The following PDE3B variants were observed in gnomAD, a reference collection of about 807,000 sequenced individuals.
The protein encoded by PDE3B is phosphodiesterase 3B, also known as cGMP-inhibited 3',5'-cyclic phosphodiesterase 3B.
In PDE3B, 66 loss-of-function variants were observed where a neutral mutation model predicts 116.8. The ratio of observed to expected loss-of-function variants is 0.56; its 90% confidence interval spans 0.46 to 0.69. The LOEUF is 0.69. PDE3B is among the 30% of genes least tolerant of loss of function. The pLI is 0.00. For synonymous variants in PDE3B, 595 were observed against 533.6 expected (o/e 1.12, Z -1.59); for missense variants, 1,384 against 1,368.1 (o/e 1.01, Z -0.18).
At chr11:14,844,774 A>G (rs1280891698) in intron 12 of PDE3B, among the ~76,000 whole-genome samples, 2 of 152,244 alleles carry the variant, frequency 1.3e-5, no homozygotes, top group Admixed American at 1.3e-4. Flanking sequence ...GGCAGCAGCA[A>G]GGCTGGGGAA....
chr11:14,801,148 C>T (rs1432811578), intron 4 of PDE3B, among the ~76,000 whole-genome samples: 1 of 152,170 alleles, frequency 6.6e-6, no homozygotes, highest in African/African-American at 2.4e-5. Context: ...CTGAAGCCTA[C>T]TTCTGTCAGT....
chr11:14,868,624 A>G (rs1555008492), intron 15 of PDE3B, among the ~76,000 whole-genome samples: 3 of 152,228 alleles, frequency 2.0e-5, no homozygotes, highest in African/African-American at 7.2e-5. Flanking sequence ...TGCTCATTTT[A>G]AAGTAGAATT....
chr11:14,864,660 C>T lies in PDE3B; in HGVS notation c.2887-2846C>T, dbSNP rs540174510. 3.9e-4 allele frequency among the ~76,000 whole-genome samples: 59 copies of T among 152,244 alleles called. 1 individual carries two copies. The East Asian group carries it at 0.01, about 27-fold the overall frequency. ...ATTAGGAAACTCACTCAAAACTGCA[C>T]AATGACATGGAAACTGAACAACTTG... On this transcript the variant is annotated intron_variant, in intron 14 of 15. Transcript: ENST00000282096.
intron 12 of PDE3B, among the ~76,000 whole-genome samples, chr11:14,847,619 G>A (rs1314067851): frequency 1.3e-5 from 2 of 151,862 alleles, no homozygotes; most frequent in Non-Finnish European, 2.9e-5. Context: ...AAAGAGAGAA[G>A]AATCAAATAG....
At chr11:14,897,102 T>G in the PDE3B span, among the ~76,000 whole-genome samples, 1 of 152,246 alleles carries the variant, frequency 6.6e-6, no homozygotes, top group Non-Finnish European at 1.5e-5. Flanking sequence ...CAGAACACAT[T>G]AATTCATGTT....
intron 12 of PDE3B, among the ~76,000 whole-genome samples, chr11:14,850,329 G>T (rs921935161): frequency 2.6e-5 from 4 of 151,962 alleles, no homozygotes; most frequent in Non-Finnish European, 5.9e-5. Context: ...CACACTCTGG[G>T]GACTGTTGTA....
At chr11:14,738,784 T>TA (rs1856672882) in intron 1 of PDE3B, among the ~76,000 whole-genome samples, 1 of 152,204 alleles carries the variant, frequency 6.6e-6, no homozygotes, top group Non-Finnish European at 1.5e-5. Flanking sequence ...TTGTATAAGG[T>TA]GTAAGAAAGG....
chr11:14,881,055 C>T, the PDE3B span, among the ~76,000 whole-genome samples: 3 of 152,044 alleles, frequency 2.0e-5, no homozygotes, highest in Admixed American at 1.3e-4. Flanking sequence ...GCCCAGGTGA[C>T]TATATTATCC....
intron 1 of PDE3B, among the ~76,000 whole-genome samples, chr11:14,735,958 T>TG (rs1554987382): frequency 7.0e-6 from 1 of 142,926 alleles, no homozygotes. Context: ...GAATAATAGG[T>TG]TGTGTGTGTG....
chr11:14,661,900 G>A (rs894726000), intron 1 of PDE3B, among the ~76,000 whole-genome samples: 3 of 152,146 alleles, frequency 2.0e-5, no homozygotes, highest in Admixed American at 1.3e-4. Context: ...ACAAAAAGAC[G>A]CAGTAACCTC....
chr11:14,888,605 C>T, the PDE3B span, among the ~76,000 whole-genome samples: 10 of 152,154 alleles, frequency 6.6e-5, no homozygotes, highest in Non-Finnish European at 1.3e-4. Context: ...CTTTGAACCA[C>T]ACATGGGAGC....
chr11:14,650,721 G>A (rs553370120), intron 1 of PDE3B, among the ~76,000 whole-genome samples: 25 of 152,218 alleles, frequency 1.6e-4, no homozygotes, highest in African/African-American at 6.0e-4. Flanking sequence ...GAACCCGGGA[G>A]GCGGAGCTTG....
At chr11:14,851,127 A>G (rs1847741589) in intron 12 of PDE3B, among the ~76,000 whole-genome samples, 1 of 151,780 alleles carries the variant, frequency 6.6e-6, no homozygotes, top group Non-Finnish European at 1.5e-5. Context: ...CTGGCCCTAA[A>G]TACGTGGTTT....
chr11:14,763,509 A>C (rs892986565), intron 1 of PDE3B, among the ~76,000 whole-genome samples: 1 of 152,062 alleles, frequency 6.6e-6, no homozygotes, highest in African/African-American at 2.4e-5. Context: ...GTGTGTGTGT[A>C]ATGAATGTGA....
At chr11:14,674,015 G>A (rs1854456198) in intron 1 of PDE3B, 5 of 1,426,434 alleles carry the variant, frequency 3.5e-6, no homozygotes, top group Non-Finnish European at 4.9e-6. Flanking sequence ...AGTTAAAAGA[G>A]CTGTTTTCGT....
In PDE3B at chr11:14,672,884, GT is replaced by G. The variant is rs140207572; in HGVS notation, c.978+27836del. ...GCTACTAGAGAGATGGAGAAATGTAGTTTTTAGCTGGGGAGTCATAGCAAAA... is the reference window on the plus strand; with the variant it reads ...GCTACTAGAGAGATGGAGAAATGTAGTTTTAGCTGGGGAGTCATAGCAAAA... On this transcript the variant is annotated intron_variant, in intron 1 of 15. Coordinates refer to ENST00000282096, the MANE Select transcript of PDE3B (RefSeq NM_000922.4). 1.2e-3 allele frequency among the ~76,000 whole-genome samples: 183 copies of G among 148,394 alleles called. 4 individuals are homozygous for G. The East Asian group carries it at 0.025, about 20-fold the overall frequency.
intron 12 of PDE3B, among the ~76,000 whole-genome samples, chr11:14,857,681 A>G (rs1228097040): frequency 6.6e-6 from 1 of 152,256 alleles, no homozygotes; most frequent in East Asian, 1.9e-4. Flanking sequence ...GCAATTTCAA[A>G]GGGTAATTTG....
In PDE3B at chr11:14,674,296, C is replaced by A; in HGVS notation, c.978+29243C>A. On this transcript the variant is annotated intron_variant, in intron 1 of 15. Coordinates refer to ENST00000282096, the MANE Select transcript of PDE3B (RefSeq NM_000922.4). The stretch of plus-strand genomic sequence containing the variant: ...TCCTGGGGCAGCCCCTATCGTCTTC[C>A]CCTCTGCATACTGCTCCTGATTGGC... The A allele has an allele frequency of 2.9e-6, 3 of 1,043,072 alleles. No individual in the cohort carries two copies. In the East Asian group the frequency reaches 7.4e-5, roughly 26 times the overall value. 64.6% of individuals were successfully genotyped at this position (1,043,072 alleles called of 1,614,324 possible).
intron 1 of PDE3B, among the ~76,000 whole-genome samples, chr11:14,708,117 C>T (rs763138723): frequency 6.6e-6 from 1 of 152,056 alleles, no homozygotes; most frequent in Non-Finnish European, 1.5e-5. Context: ...GGATGAGTCC[C>T]TCACAAATAG....
Sources: gnomAD v4.1 joint callset for allele counts (sites outside exome capture counted in the v4.1 genomes callset) on GRCh38, gnomAD v4.1.1 for gene constraint, MANE v1.5 for transcripts, NCBI Gene and HGNC (gene_info 2026-07-23, HGNC 2026-07-21) for gene names.